INTU: variants seen among roughly 807,000 people sequenced by gnomAD.
INTU encodes protein inturned.
Under a neutral mutation model 100.5 loss-of-function variants are expected in INTU, and 68 were observed. The observed-to-expected ratio is 0.68, with a 90% CI of 0.56 to 0.83. The LOEUF (loss-of-function observed/expected upper bound fraction) is 0.83, where lower values mean the gene tolerates loss of function less well. Among genes scored for constraint, INTU ranks in the 40% least tolerant of loss-of-function variants. The probability of loss-of-function intolerance (pLI) is 0.00; values close to 1 mark genes in which losing one functional copy is unlikely to be tolerated. For missense variants in INTU, 1,071 were observed against 1,114.7 expected, an observed-to-expected ratio of 0.96 and a Z score of 0.56; for synonymous variants, 357 against 395.7, an observed-to-expected ratio of 0.90 and a Z score of 1.16.
intron 8 of INTU, among the ~76,000 whole-genome samples, chr4:127,697,272 T>C (rs2148722635): frequency 6.6e-6 from 1 of 152,300 alleles, no homozygotes; most frequent in Non-Finnish European, 1.5e-5. Flanking sequence ...CCGTGACCAT[T>C]CGTAGTTATT....
At chr4:127,661,644 A>G (rs72681822) in intron 3 of INTU, among the ~76,000 whole-genome samples, 5,691 of 152,190 alleles carry the variant, frequency 0.037, 168 homozygotes, top group Middle Eastern at 0.065. Context: ...GCCAGGGGAC[A>G]ATCTTCAGAG....
intron 3 of INTU, among the ~76,000 whole-genome samples, chr4:127,659,327 T>C (rs944627573): frequency 6.6e-6 from 1 of 151,270 alleles, no homozygotes; most frequent in Non-Finnish European, 1.5e-5. Context: ...AAAATACATA[T>C]AGAGAAGAGA....
chr4:127,632,984 T>G lies in INTU; in HGVS notation c.-51T>G. 1.3e-6 allele frequency: 2 copies of G among 1,576,716 alleles called. No individual in the cohort carries two copies. The highest frequency in any genetic ancestry group is 1.7e-6 in the Non-Finnish European group (2 of 1,155,746). ...AGGCAACATGGCGGCCTTAGCAAGC[T>G]ATAGCTGCGAGATTTGAATTACTCC... is the stretch of plus-strand genomic sequence containing the variant. On this transcript the variant is annotated 5_prime_UTR_variant, in exon 1 of 16. Transcript: ENST00000335251.
At chr4:127,658,750 GAGAA>G (rs1728346391) in intron 3 of INTU, among the ~76,000 whole-genome samples, 1 of 152,136 alleles carries the variant, frequency 6.6e-6, no homozygotes, top group South Asian at 2.1e-4. Flanking sequence ...GAAAAAGGGA[GAGAA>G]AGAAATTAGG....
intron 5 of INTU, among the ~76,000 whole-genome samples, chr4:127,669,670 G>T (rs2126207466): frequency 6.6e-6 from 1 of 151,888 alleles, no homozygotes; most frequent in South Asian, 2.1e-4. Flanking sequence ...AATACAAAAT[G>T]TTCTTTAGGA....
rs1447991815 is a variant in INTU, at chr4:127,713,936, A to G, written c.2560A>G (p.Lys854Glu). The change falls in exon 15 of 16, where the codon AAA becomes GAA. Residue 854 changes from lysine to glutamate, a missense_variant and splice_region_variant. Physicochemically the swap from Lys to Glu is moderately conservative, Grantham distance 56. Coordinates refer to ENST00000335251, the MANE Select transcript of INTU (RefSeq NM_015693.4). Reference protein sequence around the residue: ...AVFQQTLVEEKKKGLNSGDHS... With the variant: ...AVFQQTLVEEEKKGLNSGDHS... ...ACTAACAATACCTATTAATTTACAG[A>G]AAAAGAAAGGACTAAATAGTGGAGA... 6.3e-7 allele frequency: 1 copy of G among 1,589,526 alleles called. No individual in the cohort carries two copies. The highest frequency in any genetic ancestry group is 1.7e-5 in the Admixed American group (1 of 57,488).
rs1385412062 is a variant in INTU, at chr4:127,706,896, C to T, written c.2198C>T (p.Thr733Ile). The change falls in exon 12 of 16, where the codon ACA (threonine) becomes ATA (isoleucine). Residue 733 changes from threonine to isoleucine, a missense_variant. By Grantham distance (89) the Thr-to-Ile change is moderately conservative. Coordinates refer to ENST00000335251, the MANE Select transcript of INTU (RefSeq NM_015693.4). ...GATGATGGCTTTAGCCCCCATACTA[C>T]ACCGGATGCAGTACGGAAGCAAAGA... is the stretch of plus-strand genomic sequence containing the variant. ...GEDDGFSPHT[T>I]PDAVRKQRES... The T allele has an allele frequency of 2.5e-6, 4 of 1,613,942 alleles. No homozygotes were observed. Among genetic ancestry groups the T allele is most frequent in the Admixed American group, 1.7e-5 (1 of 59,974 alleles).
At position 127,657,579 on chromosome 4, in the gene INTU, C is replaced by T. The variant is rs143896196; in HGVS notation, c.768+858C>T. Among the ~76,000 whole-genome samples, 347 of 152,224 alleles carry T rather than the reference C, an allele frequency of 2.3e-3. 1 individual carries two copies. The highest frequency in any genetic ancestry group is 3.7e-3 in the Non-Finnish European group (254 of 68,020). On this transcript the variant is annotated intron_variant, in intron 3 of 15. Coordinates refer to ENST00000335251, the MANE Select transcript of INTU (RefSeq NM_015693.4). ...ATCTGTATTTACAGCTGCTCCCCAT[C>T]GCTCACATTAGTGTCTGAGCTCCAC...
chr4:127,704,732 T>A (rs1319386563), intron 10 of INTU, among the ~76,000 whole-genome samples: 2 of 152,168 alleles, frequency 1.3e-5, no homozygotes, highest in African/African-American at 4.8e-5. Context: ...GAACCAAGTT[T>A]GTAAGAGAGA....
At position 127,726,628 on chromosome 4, in the gene INTU, G is replaced by A. The variant is rs1731419415; in HGVS notation, c.*10192G>A. On this transcript the variant is annotated 3_prime_UTR_variant, in exon 16 of 16. Transcript: ENST00000335251. ...TATTGAAACTTTATGCACCAAAACTGTATGAAATAATTTAATTTTGCAGTT... is the reference window on the plus strand; with the variant it reads ...TATTGAAACTTTATGCACCAAAACTATATGAAATAATTTAATTTTGCAGTT... The A allele has an allele frequency of 6.6e-6, 1 of 152,118 alleles. No homozygotes were observed. Among genetic ancestry groups the A allele is most frequent in the Non-Finnish European group, 1.5e-5 (1 of 68,030 alleles). 9.4% of individuals were successfully genotyped at this position (152,118 alleles called of 1,614,324 possible).
chr4:127,678,530 A>C (rs1177719364), intron 6 of INTU, among the ~76,000 whole-genome samples: 2 of 152,070 alleles, frequency 1.3e-5, no homozygotes, highest in Non-Finnish European at 2.9e-5. Flanking sequence ...GAAATAAAAT[A>C]CTTCACAGAC....
At chr4:127,710,483 T>C (rs115809368) in intron 13 of INTU, among the ~76,000 whole-genome samples, 1,832 of 152,264 alleles carry the variant, frequency 0.012, 40 homozygotes, top group African/African-American at 0.042. Context: ...CTTAAATGTA[T>C]TTAATTTGTT....
chr4:127,675,654 C>T (rs942299921), intron 6 of INTU, among the ~76,000 whole-genome samples: 16 of 152,184 alleles, frequency 1.1e-4, no homozygotes, highest in Admixed American at 1.0e-3. Context: ...AAGGCTTTAA[C>T]TGGAGCTGGA....
At chr4:127,665,845 G>T (rs1229378316) in intron 4 of INTU, among the ~76,000 whole-genome samples, 1 of 152,122 alleles carries the variant, frequency 6.6e-6, no homozygotes, top group Non-Finnish European at 1.5e-5. Flanking sequence ...TAGTCACATG[G>T]TCTATCCATA....
chr4:127,686,232 T>A (rs1729818054), intron 7 of INTU: 1 of 152,174 alleles, frequency 6.6e-6, no homozygotes, highest in South Asian at 2.1e-4. Flanking sequence ...ATTAAAGCTA[T>A]AACAATTTCC....
chr4:127,638,932 G>A (rs1185530139), intron 1 of INTU, among the ~76,000 whole-genome samples: 1 of 152,132 alleles, frequency 6.6e-6, no homozygotes. Context: ...TATGACCCAT[G>A]TACTACAAAG....
intron 5 of INTU, among the ~76,000 whole-genome samples, chr4:127,669,538 C>T (rs1560848236): frequency 6.6e-6 from 1 of 151,774 alleles, no homozygotes; most frequent in East Asian, 1.9e-4. Flanking sequence ...TTTCATGTTT[C>T]TATCTTGATT....
intron 3 of INTU, among the ~76,000 whole-genome samples, chr4:127,658,232 TA>T (rs1728322324): frequency 6.6e-6 from 1 of 152,234 alleles, no homozygotes; most frequent in Non-Finnish European, 1.5e-5. Context: ...AGATGCTCTG[TA>T]AATTTAGCTA....
At chr4:127,657,215 A>G (rs963828264) in intron 3 of INTU, among the ~76,000 whole-genome samples, 1 of 152,068 alleles carries the variant, frequency 6.6e-6, no homozygotes, top group Non-Finnish European at 1.5e-5. Flanking sequence ...TTAAGGAATT[A>G]TTTTTCAATC....
Sources: gnomAD v4.1 joint callset for allele counts (sites outside exome capture counted in the v4.1 genomes callset) on GRCh38, gnomAD v4.1.1 for gene constraint, MANE v1.5 for transcripts, NCBI Gene and HGNC (gene_info 2026-07-23, HGNC 2026-07-21) for gene names.